QTGAL: variants seen among roughly 807,000 people sequenced by gnomAD.
QTGAL encodes the protein queuosine-tRNA galactosyltransferase, also known as BGnT-like protein 1.
chr17:82,972,608 G>A, the QTGAL span, among the ~76,000 whole-genome samples: 1 of 114,188 alleles, frequency 8.8e-6, no homozygotes, highest in African/African-American at 4.1e-5. Flanking sequence ...ACCTGGTGCC[G>A]ACACACCACA....
chr17:82,951,985 G>A, the QTGAL span, among the ~76,000 whole-genome samples: 113 of 152,226 alleles, frequency 7.4e-4, no homozygotes, highest in Admixed American at 2.3e-3. Context: ...ACGTGGAGAC[G>A]TGGAGTGGGC....
At chr17:83,008,865 C>T in the QTGAL span, among the ~76,000 whole-genome samples, 12 of 152,114 alleles carry the variant, frequency 7.9e-5, no homozygotes, top group South Asian at 2.1e-4. Flanking sequence ...TCCCTGCCGC[C>T]GAACGAGTGT....
chr17:82,985,675 C>A, the QTGAL span, among the ~76,000 whole-genome samples: 338 of 152,320 alleles, frequency 2.2e-3, 1 homozygote, highest in Non-Finnish European at 4.2e-3. Context: ...CCACGCCTCC[C>A]ACTGCCCTAA....
At chr17:83,044,076 C>T in the QTGAL span, among the ~76,000 whole-genome samples, 1 of 152,184 alleles carries the variant, frequency 6.6e-6, no homozygotes, top group Non-Finnish European at 1.5e-5. Context: ...CAGAGAATTA[C>T]TAACACCAAT....
At chr17:83,039,968 T>C in the QTGAL span, among the ~76,000 whole-genome samples, 1 of 152,164 alleles carries the variant, frequency 6.6e-6, no homozygotes, top group Admixed American at 6.5e-5. Context: ...CATGGGGACA[T>C]TCCAGAGGGA....
At chr17:82,964,255 C>CAAAAAAAAAAAAAAAAAAAAAAAAA in the QTGAL span, among the ~76,000 whole-genome samples, 1 of 72,458 alleles carries the variant, frequency 1.4e-5, no homozygotes, top group African/African-American at 6.0e-5. Flanking sequence ...GACCCTGTCT[C>CAAAAAAAAAAAAAAAAAAAAAAAAA]AAAAAAAAAA....
At chr17:82,967,623 T>C in the QTGAL span, among the ~76,000 whole-genome samples, 1 of 151,998 alleles carries the variant, frequency 6.6e-6, no homozygotes, top group Non-Finnish European at 1.5e-5. Flanking sequence ...TGAAATACCA[T>C]TGCACCCTCT....
the QTGAL span, among the ~76,000 whole-genome samples, chr17:82,989,812 CA>C: frequency 1.3e-5 from 2 of 152,120 alleles, no homozygotes; most frequent in East Asian, 3.9e-4. Flanking sequence ...ATAGAAAAAA[CA>C]AACAAAAATA....
the QTGAL span, among the ~76,000 whole-genome samples, chr17:82,960,727 C>A: frequency 6.6e-6 from 1 of 152,358 alleles, no homozygotes; most frequent in African/African-American, 2.4e-5. Context: ...CCCCGCCGGA[C>A]CCCACTCATG....
the QTGAL span, among the ~76,000 whole-genome samples, chr17:82,977,180 G>A: frequency 7.4e-3 from 1,130 of 152,364 alleles, 13 homozygotes; most frequent in African/African-American, 0.026. Flanking sequence ...AGGAAAGATC[G>A]AGGACACCCA....
chr17:82,947,648 T>C, the QTGAL span: 1 of 152,362 alleles, frequency 6.6e-6, no homozygotes, highest in Non-Finnish European at 1.5e-5. Flanking sequence ...CACAAGTCTC[T>C]GGCCTCTGGC....
the QTGAL span, chr17:82,957,617 GCCTAAGAGAGACTGGCTGT>G: frequency 7.6e-7 from 1 of 1,312,360 alleles, no homozygotes; most frequent in Non-Finnish European, 1.0e-6. Flanking sequence ...CTGGCCCAAT[GCCTAAGAGAGACTGGCTGT>G]CCTACAGTCA....
the QTGAL span, among the ~76,000 whole-genome samples, chr17:82,997,030 G>A: frequency 2.6e-5 from 4 of 152,294 alleles, no homozygotes; most frequent in African/African-American, 9.6e-5. Context: ...GGCAACCAAA[G>A]CAAAAATGGG....
the QTGAL span, among the ~76,000 whole-genome samples, chr17:83,028,883 G>A: frequency 6.6e-6 from 1 of 152,134 alleles, no homozygotes; most frequent in South Asian, 2.1e-4. Flanking sequence ...TGCAGTCACA[G>A]AAGGATGAGC....
At chr17:82,958,912 G>GTACAC in the QTGAL span, among the ~76,000 whole-genome samples, 5 of 111,804 alleles carry the variant, frequency 4.5e-5, no homozygotes, top group South Asian at 3.3e-4. Flanking sequence ...TGTATACTGT[G>GTACAC]TGGGGGTGTA....
chr17:83,018,367 G>C, the QTGAL span, among the ~76,000 whole-genome samples: 1 of 152,256 alleles, frequency 6.6e-6, no homozygotes, highest in Non-Finnish European at 1.5e-5. Context: ...CCGTGAACAT[G>C]TACAACGATC....
the QTGAL span, among the ~76,000 whole-genome samples, chr17:82,952,233 G>A: frequency 1.3e-5 from 2 of 152,154 alleles, no homozygotes; most frequent in Non-Finnish European, 2.9e-5. Context: ...CGGCTTCTGC[G>A]GGGCAGGAAC....
the QTGAL span, among the ~76,000 whole-genome samples, chr17:83,015,829 G>A: frequency 2.6e-5 from 4 of 152,186 alleles, no homozygotes; most frequent in South Asian, 2.1e-4. The surrounding 1 kb of genome is among the most constrained non-coding windows in gnomAD (Gnocchi z 4.4). Flanking sequence ...TAATGCTGAC[G>A]GCCTGAGGTG....
the QTGAL span, chr17:83,005,192 T>G: frequency 1.2e-6 from 2 of 1,609,104 alleles, no homozygotes; most frequent in Non-Finnish European, 1.7e-6. This position sits in a 1 kb window ranked among gnomAD's most constrained non-coding sequence, Gnocchi z 5.6. Flanking sequence ...GGATCTCTCC[T>G]CACTCTGCAA....
Sources: gnomAD v4.1 joint callset for allele counts (sites outside exome capture counted in the v4.1 genomes callset) on GRCh38, gnomAD v4.1.1 for gene constraint, Gnocchi (gnomAD v3.1) non-coding constraint, MANE v1.5 for transcripts, NCBI Gene and HGNC (gene_info 2026-07-23, HGNC 2026-07-21) for gene names.